The following CRCP variants were observed in gnomAD, a reference collection of about 807,000 sequenced individuals.
CRCP encodes DNA-directed RNA polymerase III subunit RPC9.
In CRCP, 18 loss-of-function variants were observed where a neutral mutation model predicts 18.5. The observed-to-expected ratio is 0.97, with a 90% confidence interval of 0.67 to 1.44. The LOEUF (loss-of-function observed/expected upper bound fraction) is 1.44, where lower values mean the gene tolerates loss of function less well. Ranked by LOEUF, CRCP falls within the 40% of genes most tolerant of loss-of-function variation. The probability of loss-of-function intolerance (pLI) is 0.00; values close to 1 mark genes in which losing one functional copy is unlikely to be tolerated. For missense variants in CRCP, 130 were observed against 176.4 expected (o/e 0.74, Z 1.49); for synonymous variants, 53 against 62.9 (o/e 0.84, Z 0.75).
intron 1 of CRCP, 72 bp downstream of exon 1, chr7:66,115,042 A>AGAGCCGT: frequency 1.3e-6 from 2 of 1,572,256 alleles, no homozygotes; most frequent in South Asian, 2.3e-5. Flanking sequence ...CTGAGAGCCG[A>AGAGCCGT]GAGCCGTGGG....
At chr7:66,142,384 G>T (rs919089517) in intron 4 of CRCP, among the ~76,000 whole-genome samples, 4 of 152,142 alleles carry the variant, frequency 2.6e-5, no homozygotes, top group African/African-American at 9.7e-5. Flanking sequence ...CAAGAGGTTC[G>T]TTCCTCCACA....
At chr7:66,129,060 G>A (rs34550048) in intron 2 of CRCP, among the ~76,000 whole-genome samples, 97,902 of 151,968 alleles carry the variant, frequency 0.64, 31,984 homozygotes, top group African/African-American at 0.74. Flanking sequence ...GCGGCCGGGC[G>A]CGGTGTCTCA....
At chr7:66,122,024 G>A (rs1323192530) in intron 1 of CRCP, among the ~76,000 whole-genome samples, 1 of 152,160 alleles carries the variant, frequency 6.6e-6, no homozygotes, top group Admixed American at 6.5e-5. Flanking sequence ...GGGCATAGGA[G>A]AATTTGAGCA....
chr7:66,149,222 G>A (rs1225205564), intron 5 of CRCP, among the ~76,000 whole-genome samples: 1 of 152,158 alleles, frequency 6.6e-6, no homozygotes, highest in Non-Finnish European at 1.5e-5. Flanking sequence ...TTTCTCCTGT[G>A]TTGGAAAGAA....
chr7:66,117,643 C>T (rs566437155), intron 1 of CRCP, among the ~76,000 whole-genome samples: 27 of 152,158 alleles, frequency 1.8e-4, no homozygotes, highest in Non-Finnish European at 8.8e-5. Context: ...TTCACTCTTC[C>T]CCAGCCTCCA....
At chr7:66,146,942 A>C (rs1788316165) in intron 5 of CRCP, among the ~76,000 whole-genome samples, 1 of 152,320 alleles carries the variant, frequency 6.6e-6, no homozygotes. Flanking sequence ...TATGTTACTC[A>C]TGGCTTAATG....
intron 1 of CRCP, among the ~76,000 whole-genome samples, chr7:66,120,046 G>A (rs1376870715): frequency 2.6e-5 from 4 of 151,946 alleles, no homozygotes; most frequent in African/African-American, 9.7e-5. Flanking sequence ...GCTGGGCGCT[G>A]TGGCGGGCGC....
chr7:66,126,573 A>G, intron 1 of CRCP: 4 of 401,192 alleles, frequency 1.0e-5, no homozygotes, highest in South Asian at 7.3e-5. Flanking sequence ...TAGCTCCTAC[A>G]TCACAGGGTT....
intron 4 of CRCP, among the ~76,000 whole-genome samples, chr7:66,141,459 C>T (rs1457345431): frequency 1.3e-5 from 2 of 152,120 alleles, no homozygotes; most frequent in African/African-American, 4.8e-5. Flanking sequence ...TGGTTACAGC[C>T]TGTAGTGGTA....
chr7:66,123,057 C>T (rs1787499001), intron 1 of CRCP, among the ~76,000 whole-genome samples: 1 of 151,612 alleles, frequency 6.6e-6, no homozygotes, highest in African/African-American at 2.4e-5. Flanking sequence ...CGGGTTCACG[C>T]CATTCTCCTG....
chr7:66,144,401 A>T (rs1274705765), intron 4 of CRCP, among the ~76,000 whole-genome samples: 1 of 152,198 alleles, frequency 6.6e-6, no homozygotes, highest in Non-Finnish European at 1.5e-5. Flanking sequence ...TTACTAAGAT[A>T]ATAAGTCAAA....
chr7:66,129,500 A>G (rs1439675437), intron 2 of CRCP, among the ~76,000 whole-genome samples: 1 of 152,104 alleles, frequency 6.6e-6, no homozygotes, highest in Admixed American at 6.6e-5. Flanking sequence ...TGTCCCCAAA[A>G]AAAAGCTCCC....
At chr7:66,138,742 C>A (rs1284628399) in intron 4 of CRCP, among the ~76,000 whole-genome samples, 1 of 146,160 alleles carries the variant, frequency 6.8e-6, no homozygotes, top group Non-Finnish European at 1.5e-5. Flanking sequence ...TGCAGTGAGC[C>A]AAGATGCGCC....
intron 3 of CRCP, among the ~76,000 whole-genome samples, chr7:66,131,461 A>C (rs978373691): frequency 9.2e-5 from 14 of 152,102 alleles, no homozygotes; most frequent in African/African-American, 3.4e-4. Flanking sequence ...TAGCTTCCCA[A>C]GTAGCTGGGA....
At chr7:66,121,963 T>G (rs1304718442) in intron 1 of CRCP, among the ~76,000 whole-genome samples, 3 of 152,208 alleles carry the variant, frequency 2.0e-5, no homozygotes, top group African/African-American at 7.2e-5. Context: ...GCTGCTCCGT[T>G]TGCTTGTACC....
chr7:66,121,034 C>CATCATAATAATA (rs1489640381), intron 1 of CRCP, among the ~76,000 whole-genome samples: 2 of 145,374 alleles, frequency 1.4e-5, no homozygotes, highest in African/African-American at 5.1e-5. Flanking sequence ...GTAACTAATA[C>CATCATAATAATA]ATAATAATAA....
intron 2 of CRCP, chr7:66,130,051 A>G (rs1787745683): frequency 3.3e-6 from 1 of 304,164 alleles, no homozygotes; most frequent in South Asian, 2.6e-5. Flanking sequence ...TTTCTTTTCC[A>G]GAAAGAAATT....
chr7:66,146,797 A>T (rs1310106173), intron 5 of CRCP, among the ~76,000 whole-genome samples: 1 of 152,188 alleles, frequency 6.6e-6, no homozygotes, highest in African/African-American at 2.4e-5. Context: ...GATTATTTTC[A>T]TGCTTTACAC....
Position 66,114,919 on chromosome 7 carries a change from G to A in CRCP, c.-44G>A, listed in dbSNP as rs769850415. The stretch of plus-strand genomic sequence containing the variant: ...CGGCGGAGACAGCTGTGAAGTGTGA[G>A]GTTCTTTGTCTGCTGGCAGCTAGGG... On this transcript the variant is annotated 5_prime_UTR_variant, in exon 1 of 6. Transcript: ENST00000395326. 4.3e-6 allele frequency: 7 copies of A among 1,611,558 alleles called. No individual in the cohort carries two copies. Among genetic ancestry groups the A allele is most frequent in the African/African-American group, 1.3e-5 (1 of 75,006 alleles).
Sources: gnomAD v4.1 joint callset for allele counts (sites outside exome capture counted in the v4.1 genomes callset) on GRCh38, gnomAD v4.1.1 for gene constraint, MANE v1.5 for transcripts, NCBI Gene and HGNC (gene_info 2026-07-23, HGNC 2026-07-21) for gene names.